ATP8A2: variants seen among roughly 807,000 people sequenced by gnomAD.
ATP8A2 encodes phospholipid-transporting ATPase IB.
In ATP8A2, 100 loss-of-function variants were observed where a neutral mutation model predicts 165.6. The ratio of observed to expected loss-of-function variants is 0.60; its 90% CI spans 0.51 to 0.71. ATP8A2 has a LOEUF of 0.71. ATP8A2 is among the 30% of genes least tolerant of loss of function. ATP8A2 has a pLI of 0.00. For missense variants in ATP8A2, 1,227 were observed against 1,479.5 expected (o/e 0.83, Z 2.80); for synonymous variants, 543 against 548.8 (o/e 0.99, Z 0.15).
chr13:25,674,264 G>GCCCC (rs2042325785), intron 24 of ATP8A2, among the ~76,000 whole-genome samples: 1 of 147,004 alleles, frequency 6.8e-6, no homozygotes, highest in South Asian at 2.1e-4. Flanking sequence ...GTCCAGATGT[G>GCCCC]TCCCCCCCCG....
At chr13:25,586,407 G>T (rs772210302) in intron 23 of ATP8A2, among the ~76,000 whole-genome samples, 1 of 152,172 alleles carries the variant, frequency 6.6e-6, no homozygotes. Flanking sequence ...TCTTCTGTGT[G>T]GCGAGGGTTC....
intron 25 of ATP8A2, among the ~76,000 whole-genome samples, chr13:25,709,935 G>A (rs1325328172): frequency 6.6e-6 from 1 of 152,118 alleles, no homozygotes; most frequent in Non-Finnish European, 1.5e-5. Flanking sequence ...GGATCTTTCT[G>A]TGGTCATATT....
chr13:25,895,995 C>A (rs1046398466), intron 33 of ATP8A2, among the ~76,000 whole-genome samples: 7 of 152,150 alleles, frequency 4.6e-5, no homozygotes, highest in African/African-American at 1.7e-4. Context: ...CTCCTGGATT[C>A]ATTGATTTTT....
At chr13:25,403,761 T>C (rs990454755) in intron 1 of ATP8A2, among the ~76,000 whole-genome samples, 4 of 152,226 alleles carry the variant, frequency 2.6e-5, no homozygotes, top group Admixed American at 6.5e-5. Flanking sequence ...ACTTAATTCC[T>C]TGGTCCCTCA....
chr13:25,731,656 A>T (rs1335266957), intron 25 of ATP8A2, among the ~76,000 whole-genome samples: 1 of 152,218 alleles, frequency 6.6e-6, no homozygotes, highest in Non-Finnish European at 1.5e-5. Flanking sequence ...GTGCCTGTTG[A>T]TGTAATCAAA....
chr13:25,460,677 T>C (rs2035480508), intron 1 of ATP8A2, among the ~76,000 whole-genome samples: 1 of 152,188 alleles, frequency 6.6e-6, no homozygotes. Context: ...GAAACAAGAC[T>C]TCAAATTACA....
At chr13:25,827,633 G>T (rs549038889) in intron 27 of ATP8A2, among the ~76,000 whole-genome samples, 1 of 152,204 alleles carries the variant, frequency 6.6e-6, no homozygotes, top group African/African-American at 2.4e-5. Flanking sequence ...CCTTGGTCAA[G>T]GTGGTAGACA....
chr13:25,594,494 G>C (rs1257685449), intron 24 of ATP8A2, among the ~76,000 whole-genome samples: 1 of 152,044 alleles, frequency 6.6e-6, no homozygotes, highest in Non-Finnish European at 1.5e-5. Flanking sequence ...GTTCTTTAGC[G>C]GTGGTTCGTG....
At chr13:25,729,925 T>C (rs1167163257) in intron 25 of ATP8A2, among the ~76,000 whole-genome samples, 2 of 152,212 alleles carry the variant, frequency 1.3e-5, no homozygotes. Context: ...AATCTGATAA[T>C]GTGCATTCTG....
rs1593302873 is a variant in ATP8A2 at position 25,435,115 on chromosome 13, A to G, written c.77-33862A>G. Reference sequence around the variant, plus strand: ...CTGAACTCTAGGAGTTCCTGGGCATAGGAAATCTTTTTTTTTTTTTTTTGA... The same window carrying G: ...CTGAACTCTAGGAGTTCCTGGGCATGGGAAATCTTTTTTTTTTTTTTTTGA... On this transcript the variant is annotated intron_variant, in intron 1 of 36. Coordinates refer to ENST00000381655, the MANE Select transcript of ATP8A2 (RefSeq NM_016529.6). Among the ~76,000 whole-genome samples, 5 of 151,238 alleles carry G rather than the reference A, an allele frequency of 3.3e-5. No individual in the cohort carries two copies. In the East Asian group the frequency reaches 7.8e-4, roughly 24 times the overall value.
intron 2 of ATP8A2, among the ~76,000 whole-genome samples, chr13:25,504,743 T>C (rs2036975423): frequency 1.7e-5 from 1 of 57,428 alleles, no homozygotes; most frequent in Non-Finnish European, 3.9e-5. Context: ...CGAGACTCCG[T>C]CTCAAAAAAA....
chr13:25,820,397 T>G (rs1399287544), intron 27 of ATP8A2, among the ~76,000 whole-genome samples: 1 of 152,232 alleles, frequency 6.6e-6, no homozygotes, highest in African/African-American at 2.4e-5. Flanking sequence ...TGCAGGGATC[T>G]GGCTCTCTGG....
chr13:25,730,393 A>G (rs1417489724), intron 25 of ATP8A2, among the ~76,000 whole-genome samples: 1 of 152,204 alleles, frequency 6.6e-6, no homozygotes, highest in Non-Finnish European at 1.5e-5. Context: ...ACAAAAGGGA[A>G]TCATGGCTTG....
chr13:25,867,654 A>G (rs1036900572), intron 33 of ATP8A2, among the ~76,000 whole-genome samples: 8 of 152,300 alleles, frequency 5.3e-5, no homozygotes, highest in African/African-American at 1.9e-4. Context: ...TGAAAGCTTC[A>G]TCCCATCCCC....
chr13:25,741,239 G>A (rs924537015), intron 25 of ATP8A2, among the ~76,000 whole-genome samples: 4 of 152,140 alleles, frequency 2.6e-5, no homozygotes, highest in African/African-American at 9.7e-5. Flanking sequence ...AAGCTAAGTT[G>A]GAAGTCAGAT....
chr13:25,805,092 T>C (rs1950702641), intron 27 of ATP8A2, among the ~76,000 whole-genome samples: 1 of 152,236 alleles, frequency 6.6e-6, no homozygotes, highest in South Asian at 2.1e-4. Context: ...TTTGTTAAAA[T>C]AACTTTTCTT....
chr13:25,522,043 C>T (rs2037688655), intron 2 of ATP8A2, among the ~76,000 whole-genome samples: 1 of 152,086 alleles, frequency 6.6e-6, no homozygotes, highest in African/African-American at 2.4e-5. Flanking sequence ...TATATTGAAT[C>T]TGTCATTTGC....
chr13:25,927,270 T>C (rs1156435615), intron 33 of ATP8A2: 1 of 456,136 alleles, frequency 2.2e-6, no homozygotes, highest in Admixed American at 2.4e-5. Flanking sequence ...GTCTGCATTT[T>C]ATCACCTTTG....
At chr13:25,445,499 A>C (rs1371491498) in intron 1 of ATP8A2, among the ~76,000 whole-genome samples, 1 of 152,172 alleles carries the variant, frequency 6.6e-6, no homozygotes, top group Non-Finnish European at 1.5e-5. Flanking sequence ...TCCCAGCACA[A>C]AGTAGCCAGT....
Sources: gnomAD v4.1 joint callset for allele counts (sites outside exome capture counted in the v4.1 genomes callset) on GRCh38, gnomAD v4.1.1 for gene constraint, MANE v1.5 for transcripts, NCBI Gene and HGNC (gene_info 2026-07-23, HGNC 2026-07-21) for gene names.